PAK3: variants seen among roughly 807,000 people sequenced by gnomAD.
PAK3 encodes the protein p21 (RAC1) activated kinase 3, also known as serine/threonine-protein kinase PAK 3.
A neutral mutation model predicts 41.0 loss-of-function variants in PAK3; 4 were observed. The ratio of observed to expected loss-of-function variants is 0.10; its 90% CI spans 0.05 to 0.22. The LOEUF is 0.22. PAK3 is among the 10% of genes least tolerant of loss of function. The pLI is 1.00. For synonymous variants in PAK3, 146 were observed against 139.6 expected, an observed-to-expected ratio of 1.05 and a Z score of -0.32; for missense variants, 205 against 409.9, an observed-to-expected ratio of 0.50 and a Z score of 4.32.
intron 3 of PAK3, among the ~76,000 whole-genome samples, chrX:111,101,498 G>C (rs2093136878): frequency 8.9e-6 from 1 of 111,976 alleles, no homozygotes; most frequent in Non-Finnish European, 1.9e-5. Context: ...AAAACATGGA[G>C]GTTCTTGGTA....
intron 16 of PAK3, among the ~76,000 whole-genome samples, chrX:111,214,239 C>G: frequency 8.9e-6 from 1 of 111,824 alleles, no homozygotes; most frequent in Admixed American, 9.5e-5. Context: ...GGTGTACATA[C>G]GACGCAGAGA....
chrX:110,952,193 A>T (rs1190641687), intron 1 of PAK3, among the ~76,000 whole-genome samples: 1 of 112,006 alleles, frequency 8.9e-6, no homozygotes, highest in Non-Finnish European at 1.9e-5. Context: ...GATATGGTCA[A>T]GGGTATTTTG....
At chrX:111,105,142 A>G (rs1024423590) in intron 4 of PAK3, among the ~76,000 whole-genome samples, 2 of 111,630 alleles carry the variant, frequency 1.8e-5, no homozygotes, top group Non-Finnish European at 3.8e-5. Context: ...TGCTACATTT[A>G]GGTACATTCA....
intron 1 of PAK3, among the ~76,000 whole-genome samples, chrX:110,996,673 A>C (rs889537494): frequency 5.4e-5 from 6 of 110,858 alleles, no homozygotes; most frequent in African/African-American, 1.6e-4. Flanking sequence ...CCACCACCCC[A>C]CCACCCAACA....
At chrX:111,084,286 A>C (rs1446909038) in intron 1 of PAK3, among the ~76,000 whole-genome samples, 1 of 112,401 alleles carries the variant, frequency 8.9e-6, no homozygotes, top group East Asian at 2.8e-4. Context: ...GGCCAGGTCT[A>C]TTTGACGTGA....
Position 111,225,044 on chromosome X carries a change from G to A in PAK3, c.*4597G>A, listed in dbSNP as rs1261717866. On this transcript the variant is annotated 3_prime_UTR_variant, in exon 18 of 18. Coordinates refer to ENST00000372007, the MANE Select transcript of PAK3 (RefSeq NM_002578.5). ...TTCAGCATTTGTAAACTGACAGTTT[G>A]ATGGGCCTGGGATTTGAAGTGAACT... The A allele has an allele frequency of 2.7e-5, 3 of 112,150 alleles. No homozygotes were observed. Among genetic ancestry groups the A allele is most frequent in the Non-Finnish European group, 5.6e-5 (3 of 53,270 alleles). The allele number at this position is 112,150 out of a possible 1,213,427, so 9.2% of individuals were successfully genotyped here.
intron 8 of PAK3, among the ~76,000 whole-genome samples, chrX:111,158,517 T>A (rs1302081832): frequency 9.0e-6 from 1 of 111,600 alleles, no homozygotes; most frequent in Non-Finnish European, 1.9e-5. Flanking sequence ...ATTGTTAATT[T>A]CAGTTCTCAG....
chrX:110,972,301 TA>T (rs1352870902), intron 1 of PAK3, among the ~76,000 whole-genome samples: 2 of 111,479 alleles, frequency 1.8e-5, no homozygotes, highest in Admixed American at 1.9e-4. Flanking sequence ...CCGTGTAGCC[TA>T]AATGGGGACA....
At chrX:111,120,291 A>G (rs2093546403) in intron 4 of PAK3, among the ~76,000 whole-genome samples, 1 of 111,848 alleles carries the variant, frequency 8.9e-6, no homozygotes, top group Non-Finnish European at 1.9e-5. Context: ...TTTTAGTGCA[A>G]TATAGAAGAG....
At chrX:110,960,106 A>G (rs2090947873) in intron 1 of PAK3, among the ~76,000 whole-genome samples, 1 of 111,753 alleles carries the variant, frequency 8.9e-6, no homozygotes, top group Non-Finnish European at 1.9e-5. Context: ...CCTTGTTGGC[A>G]ATCTATCCAA....
At chrX:111,082,045 C>A (rs1047874998) in intron 1 of PAK3, among the ~76,000 whole-genome samples, 3 of 111,623 alleles carry the variant, frequency 2.7e-5, no homozygotes, top group Non-Finnish European at 5.7e-5. Flanking sequence ...ATAAGACCAT[C>A]ACAATGAAAA....
At chrX:111,069,558 G>A (rs971891363) in intron 1 of PAK3, among the ~76,000 whole-genome samples, 3 of 110,261 alleles carry the variant, frequency 2.7e-5, no homozygotes, top group Admixed American at 9.8e-5. Context: ...TTGCTTAGCA[G>A]TCTAGATGAA....
chrX:111,112,024 A>G (rs1294607269), intron 4 of PAK3, among the ~76,000 whole-genome samples: 1 of 110,949 alleles, frequency 9.0e-6, no homozygotes, highest in Non-Finnish European at 1.9e-5. Context: ...CCATGTTCCT[A>G]CCTGGAACAT....
intron 1 of PAK3, among the ~76,000 whole-genome samples, chrX:111,014,587 C>G (rs759449129): frequency 2.7e-5 from 3 of 111,220 alleles, no homozygotes; most frequent in Non-Finnish European, 5.7e-5. Flanking sequence ...CCTAAACTGC[C>G]TCTCCCATGA....
At chrX:111,179,169 G>A (rs2149268547) in intron 11 of PAK3, among the ~76,000 whole-genome samples, 1 of 109,032 alleles carries the variant, frequency 9.2e-6, no homozygotes, top group African/African-American at 3.3e-5. Context: ...CTTCTTATGT[G>A]TCTTTAACAT....
chrX:110,998,793 A>C (rs1330452193), intron 1 of PAK3, among the ~76,000 whole-genome samples: 1 of 112,480 alleles, frequency 8.9e-6, no homozygotes, highest in East Asian at 2.8e-4. Context: ...TGAATGATCA[A>C]ATGAATGAAG....
intron 5 of PAK3, among the ~76,000 whole-genome samples, chrX:111,130,175 G>A (rs1255582197): frequency 1.8e-5 from 2 of 111,896 alleles, no homozygotes; most frequent in Non-Finnish European, 1.9e-5. Flanking sequence ...GTTGCTGAAT[G>A]TTTTTGAAGA....
At chrX:111,004,249 G>A (rs890436802) in intron 1 of PAK3, among the ~76,000 whole-genome samples, 5 of 111,757 alleles carry the variant, frequency 4.5e-5, no homozygotes, top group Non-Finnish European at 9.4e-5. Context: ...GGGGATATGC[G>A]TAGTAGGAGG....
At chrX:111,174,267 C>T (rs936262922) in intron 11 of PAK3, among the ~76,000 whole-genome samples, 1 of 110,660 alleles carries the variant, frequency 9.0e-6, no homozygotes, top group African/African-American at 3.3e-5. Context: ...GCCAGTATAT[C>T]TCAGGAAATA....
Sources: allele counts gnomAD v4.1 joint callset (sites outside exome capture counted in the v4.1 genomes callset), GRCh38; gene constraint gnomAD v4.1.1; transcripts MANE v1.5; gene names NCBI Gene and HGNC (gene_info 2026-07-23, HGNC 2026-07-21).